The following NTHL1 variants were observed in gnomAD, a reference collection of about 807,000 sequenced individuals.
NTHL1 encodes the protein endonuclease III-like protein 1.
A neutral mutation model predicts 32.3 loss-of-function variants in NTHL1; 32 were observed. The observed-to-expected ratio is 0.99, with a 90% CI of 0.75 to 1.33. The LOEUF is 1.33. NTHL1 is among the 40% of genes most tolerant of loss of function. The pLI, the probability that NTHL1 is intolerant of heterozygous loss-of-function variation, is 0.00. For synonymous variants in NTHL1, 188 were observed against 176.9 expected (o/e 1.06, Z -0.50); for missense variants, 501 against 414.1 (o/e 1.21, Z -1.82).
Position 2,046,386 on chromosome 16 carries a change from G to A in NTHL1, c.116-20C>T, listed in dbSNP as rs2150948042. On this transcript the variant is annotated intron_variant, in intron 1 of 5. Transcript: ENST00000651570. ...TCGCTTCTGCAAAAAGCACCACGCAGTCCCTCTGGTGGGGCCACAGGTGAA... is the reference window on the plus strand; with the variant it reads ...TCGCTTCTGCAAAAAGCACCACGCAATCCCTCTGGTGGGGCCACAGGTGAA... The A allele has an allele frequency of 6.3e-7, 1 of 1,597,412 alleles. No homozygotes were observed. The highest frequency in any genetic ancestry group is 8.5e-7 in the Non-Finnish European group (1 of 1,169,938).
intron 4 of NTHL1, chr16:2,042,238 C>G (rs1162139631): frequency 2.6e-6 from 1 of 389,692 alleles, no homozygotes; most frequent in Non-Finnish European, 5.1e-6. Context: ...GACCTTCCCC[C>G]ACAGCCCTGC....
chr16:2,044,854 G>A lies in NTHL1; in HGVS notation c.355-54C>T, dbSNP rs1424788213. ...GGCGGCGGGTCCTGGGTGATTCCCT[G>A]GCCAGGCTCCGCCCCCCGCCCTCGA... On this transcript the variant is annotated intron_variant, in intron 2 of 5. Transcript: ENST00000651570. This position sits in a 1 kb window ranked among gnomAD's most constrained non-coding sequence, Gnocchi z 5.0. The A allele has an allele frequency of 6.6e-7, 1 of 1,519,694 alleles. No homozygotes were observed. Among genetic ancestry groups the A allele is most frequent in the African/African-American group, 1.4e-5 (1 of 72,808 alleles). 94.1% of individuals were successfully genotyped at this position (1,519,694 alleles called of 1,614,324 possible). A position where few individuals can be genotyped will look rare whatever the true frequency, so the allele number is the denominator to read the frequency against.
chr16:2,043,702 T>A lies in NTHL1; in HGVS notation c.550A>T (p.Thr184Ser), dbSNP rs2084301101. 6.2e-7 allele frequency: 1 copy of A among 1,612,050 alleles called. No individual in the cohort carries two copies. The highest frequency in any genetic ancestry group is 8.5e-7 in the Non-Finnish European group (1 of 1,179,956). Residue 184 changes from threonine to serine, a missense_variant, in exon 4 of 6, where the codon ACC becomes TCC. By Grantham distance (58) the Thr-to-Ser change is moderately conservative. Transcript: ENST00000651570. The surrounding 1 kb of genome is among the most constrained non-coding windows in gnomAD (Gnocchi z 4.4). Reference sequence around the variant, plus strand: ...TAGTGCTGCTGCAGGATGGCGCTGGTCTGCTTGATGTATTTCACCTTGCTC... The same window carrying A: ...TAGTGCTGCTGCAGGATGGCGCTGGACTGCTTGATGTATTTCACCTTGCTC... ...WRSKVKYIKQ[T>S]SAILQQHYGG...
intron 4 of NTHL1, among the ~76,000 whole-genome samples, chr16:2,042,695 C>T (rs990162678): frequency 6.6e-6 from 1 of 152,094 alleles, no homozygotes; most frequent in African/African-American, 2.4e-5. Flanking sequence ...CTGTCTGCAC[C>T]CAACTGCCAA....
chr16:2,043,556 C>T lies in NTHL1; in HGVS notation c.685+11G>A, dbSNP rs756612488. On this transcript the variant is annotated intron_variant, in intron 4 of 5. Coordinates refer to ENST00000651570, the MANE Select transcript of NTHL1 (RefSeq NM_002528.7). This position sits in a 1 kb window ranked among gnomAD's most constrained non-coding sequence, Gnocchi z 4.4. ...AGTGGGCTGGAGCCAGCCCCGCCCT[C>T]CTCTACTCACCAATGCCTGACACAG... 11 of 1,604,942 alleles carry T rather than the reference C, an allele frequency of 6.9e-6. No homozygotes were observed. Among genetic ancestry groups the T allele is most frequent in the Non-Finnish European group, 9.3e-6 (11 of 1,179,874 alleles).
rs143696592 is a variant in NTHL1 at position 2,046,136 on chromosome 16, G to T, written c.346C>A (p.Pro116Thr). The part of the protein sequence containing the change: ...GTEHCYDSSA[P>T]PKVRRYQVLL... ...ATGGGGCCCCTGCCTACCTTTGGGG[G>T]GGCACTGGAGTCATAGCAGTGCTCA... is the stretch of plus-strand genomic sequence containing the variant. Residue 116 changes from proline (P) to threonine (T), a missense_variant, in exon 2 of 6, where the codon CCC becomes ACC. Transcript: ENST00000651570. The T allele has an allele frequency of 1.6e-5, 26 of 1,612,104 alleles. No homozygotes were observed. The highest frequency in any genetic ancestry group is 2.0e-5 in the Non-Finnish European group (24 of 1,179,200).
Position 2,043,808 on chromosome 16 carries a change from G to A in NTHL1, c.526-82C>T. On this transcript the variant is annotated intron_variant, in intron 3 of 5. Transcript: ENST00000651570. The surrounding 1 kb of genome is among the most constrained non-coding windows in gnomAD (Gnocchi z 4.4). ...GATGCAGCCCCCAGGAGACCCACAG[G>A]TGGCCAGAGCTACCTGCACCTGCTG... is the stretch of plus-strand genomic sequence containing the variant. 6.5e-7 allele frequency: 1 copy of A among 1,543,494 alleles called. No homozygotes were observed. Among genetic ancestry groups the A allele is most frequent in the Non-Finnish European group, 8.8e-7 (1 of 1,132,152 alleles).
chr16:2,040,303 G>T, intron 4 of NTHL1, 65 bp from the exon 5 acceptor site: 1 of 1,455,972 alleles, frequency 6.9e-7, no homozygotes, highest in Non-Finnish European at 9.6e-7. Flanking sequence ...GCCCCTCCCC[G>T]CCCAGAGGCG....
In NTHL1 at chr16:2,044,434, G is replaced by C. The variant is rs906629671; in HGVS notation, c.525+196C>G. Among the ~76,000 whole-genome samples the C allele has an allele frequency of 2.0e-5, 3 of 152,174 alleles. No homozygotes were observed. Among genetic ancestry groups the C allele is most frequent in the Non-Finnish European group, 4.4e-5 (3 of 68,026 alleles). ...AAGCAGAGGAAGGAAGGGAGGATGC[G>C]AACAGGAAGGCCAAGGAGCTGCTGG... On this transcript the variant is annotated intron_variant, in intron 3 of 5. Transcript: ENST00000651570. The surrounding 1 kb of genome is among the most constrained non-coding windows in gnomAD (Gnocchi z 5.0).
In NTHL1 at chr16:2,043,618, T is replaced by G. The variant is rs1247089981; in HGVS notation, c.634A>C (p.Lys212Gln). The G allele has an allele frequency of 6.2e-7, 1 of 1,610,716 alleles. No homozygotes were observed. The highest frequency in any genetic ancestry group is 8.5e-7 in the Non-Finnish European group (1 of 1,179,948). Reference protein sequence around the residue: ...ELVALPGVGPKMAHLAMAVAW... With the variant: ...ELVALPGVGPQMAHLAMAVAW... Reference sequence around the variant, plus strand: ...ACAGCCATAGCCAGGTGTGCCATCTTGGGCCCAACACCCGGCAGCGCCACC... The same window carrying G: ...ACAGCCATAGCCAGGTGTGCCATCTGGGGCCCAACACCCGGCAGCGCCACC... The change falls in exon 4 of 6, where the codon AAG (lysine) becomes CAG (glutamine). Residue 212 changes from lysine (K) to glutamine (Q), a missense_variant. By Grantham distance (53) the Lys-to-Gln change is moderately conservative. Transcript: ENST00000651570. The surrounding 1 kb of genome is among the most constrained non-coding windows in gnomAD (Gnocchi z 4.4).
intron 1 of NTHL1, 118 bp downstream of exon 1, chr16:2,047,591 G>T: frequency 7.0e-7 from 1 of 1,421,112 alleles, no homozygotes; most frequent in South Asian, 1.5e-5. Flanking sequence ...AACCGTTCGC[G>T]GCTGCCGGGT....
intron 4 of NTHL1, among the ~76,000 whole-genome samples, chr16:2,040,717 C>G (rs887023845): frequency 6.6e-6 from 1 of 152,208 alleles, no homozygotes; most frequent in Non-Finnish European, 1.5e-5. Flanking sequence ...CGAGGCCCGG[C>G]AGGATCCCGA....
At position 2,044,560 on chromosome 16, in the gene NTHL1, C is replaced by A. The variant is rs573165403; in HGVS notation, c.525+70G>T. The A allele has an allele frequency of 1.9e-6, 3 of 1,579,990 alleles. No homozygotes were observed. Among genetic ancestry groups the A allele is most frequent in the Admixed American group, 1.7e-5 (1 of 59,966 alleles). ...CCCTCACTTCCTGCACCGTCGCCAC[C>A]CCCCTCAGCCTTCTGAGGTCTCTCT... On this transcript the variant is annotated intron_variant, in intron 3 of 5. Coordinates refer to ENST00000651570, the MANE Select transcript of NTHL1 (RefSeq NM_002528.7). This position sits in a 1 kb window ranked among gnomAD's most constrained non-coding sequence, Gnocchi z 5.0.
chr16:2,046,071 A>G, intron 2 of NTHL1, 57 bp downstream of exon 2: 1 of 1,479,958 alleles, frequency 6.8e-7, no homozygotes, highest in South Asian at 1.1e-5. Flanking sequence ...GGGTAGAAAG[A>G]AAACAAGGAC....
In NTHL1 at chr16:2,043,912, T is replaced by C; in HGVS notation, c.526-186A>G. 1.5e-6 allele frequency: 1 copy of C among 648,730 alleles called. No homozygotes were observed. Among genetic ancestry groups the C allele is most frequent in the Non-Finnish European group, 2.7e-6 (1 of 369,162 alleles). The allele number at this position is 648,730 out of a possible 1,614,324, so 40.2% of individuals were successfully genotyped here. A position where few individuals can be genotyped will look rare whatever the true frequency, so the allele number is the denominator to read the frequency against. On this transcript the variant is annotated intron_variant, in intron 3 of 5. Transcript: ENST00000651570. This position sits in a 1 kb window ranked among gnomAD's most constrained non-coding sequence, Gnocchi z 4.4. ...GCAGCAGGGAGGCCCAAGGTAGGCC[T>C]GACCCCCTCCTCCCACCCGTGTGGG...
At chr16:2,040,710 G>A (rs150386667) in intron 4 of NTHL1, among the ~76,000 whole-genome samples, 11 of 152,302 alleles carry the variant, frequency 7.2e-5, no homozygotes, top group African/African-American at 2.6e-4. Context: ...CTGAAACCGA[G>A]GCCCGGCAGG....
chr16:2,044,492 TG>T lies in NTHL1; in HGVS notation c.525+137del, dbSNP rs1022674464. The T allele has an allele frequency of 9.7e-5, 106 of 1,093,732 alleles. No homozygotes were observed. Among genetic ancestry groups the T allele is most frequent in the Non-Finnish European group, 1.3e-4 (94 of 742,972 alleles). The allele number at this position is 1,093,732 out of a possible 1,614,324, so 67.8% of individuals were successfully genotyped here. A position where few individuals can be genotyped will look rare whatever the true frequency, so the allele number is the denominator to read the frequency against. Reference sequence around the variant, plus strand: ...CGTCAGGCCTCAGGGCCCCACGGCCTGGGGGGGGCTTCAGGGGGACCCCCCG... The same window carrying T: ...CGTCAGGCCTCAGGGCCCCACGGCCTGGGGGGGCTTCAGGGGGACCCCCCG... On this transcript the variant is annotated intron_variant, in intron 3 of 5. Coordinates refer to ENST00000651570, the MANE Select transcript of NTHL1 (RefSeq NM_002528.7). This position sits in a 1 kb window ranked among gnomAD's most constrained non-coding sequence, Gnocchi z 5.0.
Position 2,040,062 on chromosome 16 carries a change from G to T in NTHL1, c.792-15C>A. The T allele has an allele frequency of 6.2e-7, 1 of 1,612,480 alleles. No homozygotes were observed. Among genetic ancestry groups the T allele is most frequent in the South Asian group, 1.1e-5 (1 of 91,084 alleles). On this transcript the variant is annotated splice_polypyrimidine_tract_variant and intron_variant, in intron 5 of 5. Transcript: ENST00000651570. ...GCCACAGCTCCCTGTGGGGGTGGGG[G>T]CTGGGTCAGTGCTGACAGAGGGCGG...
chr16:2,040,219 G>C lies in NTHL1; in HGVS notation c.705C>G (p.His235Gln), dbSNP rs992194912. The C allele has an allele frequency of 6.2e-7, 1 of 1,613,696 alleles. No homozygotes were observed. Among genetic ancestry groups the C allele is most frequent in the East Asian group, 2.2e-5 (1 of 44,880 alleles). The change falls in exon 5 of 6, where the codon CAC (histidine) becomes CAG (glutamine). Residue 235 changes from histidine to glutamine, a missense_variant. By Grantham distance (24) the His-to-Gln change is conservative. Coordinates refer to ENST00000651570, the MANE Select transcript of NTHL1 (RefSeq NM_002528.7). ...TCCACCTCAGCCTGTTGGCGATTCT[G>C]TGCACATGCGTGTCCACTGCTGCTG... ...VSGIAVDTHV[H>Q]RIANRLRWTK...
Sources: gnomAD v4.1 joint callset for allele counts (sites outside exome capture counted in the v4.1 genomes callset) on GRCh38, gnomAD v4.1.1 for gene constraint, Gnocchi (gnomAD v3.1) non-coding constraint, MANE v1.5 for transcripts, NCBI Gene and HGNC (gene_info 2026-07-23, HGNC 2026-07-21) for gene names.